The following NR6A1 variants were observed in gnomAD, a reference collection of about 807,000 sequenced individuals.
The protein encoded by NR6A1 is nuclear receptor subfamily 6 group A member 1.
NR6A1 carries 7 observed loss-of-function variants against 59.1 expected under a neutral mutation model. That is an observed-to-expected ratio of 0.12 (90% CI 0.07 to 0.22). The LOEUF (loss-of-function observed/expected upper bound fraction) is 0.22, where lower values mean the gene tolerates loss of function less well. NR6A1 is among the 10% of genes least tolerant of loss of function. The pLI, the probability that NR6A1 is intolerant of heterozygous loss-of-function variation, is 1.00. For missense variants in NR6A1, 468 were observed against 611.6 expected (o/e 0.77, Z 2.48); for synonymous variants, 243 against 236.1 (o/e 1.03, Z -0.27).
intron 2 of NR6A1, among the ~76,000 whole-genome samples, chr9:124,621,311 C>A (rs1390364138): frequency 2.0e-5 from 3 of 152,102 alleles, no homozygotes; most frequent in Admixed American, 6.5e-5. Context: ...AAGAAACTTC[C>A]TTTTCAGTAG....
intron 2 of NR6A1, among the ~76,000 whole-genome samples, chr9:124,595,117 T>A (rs1835234149): frequency 6.6e-6 from 1 of 152,234 alleles, no homozygotes; most frequent in Non-Finnish European, 1.5e-5. Flanking sequence ...AAGTGGGGTT[T>A]CTCACATAAC....
At chr9:124,731,541 T>C (rs1839884224) in intron 2 of NR6A1, among the ~76,000 whole-genome samples, 1 of 152,168 alleles carries the variant, frequency 6.6e-6, no homozygotes, top group African/African-American at 2.4e-5. Flanking sequence ...ATAAAAGTTA[T>C]ACCAGGTGTG....
Position 124,732,609 on chromosome 9 carries a change from T to TG in NR6A1, c.142+698_142+699insC, listed in dbSNP as rs1285663041. ...ATAATTTCTAAACTAAGCAAAATGCTTCTTTTAAAGAAATTATTTCAAAAC... is the reference window on the plus strand; with the variant it reads ...ATAATTTCTAAACTAAGCAAAATGCTGTCTTTTAAAGAAATTATTTCAAAAC... On this transcript the variant is annotated intron_variant, in intron 2 of 9. Transcript: ENST00000487099. Among the ~76,000 whole-genome samples, 5 of 152,228 alleles carry TG rather than the reference T, an allele frequency of 3.3e-5. No individual in the cohort carries two copies. In the East Asian group the frequency reaches 9.6e-4, roughly 29 times the overall value.
At position 124,716,693 on chromosome 9, in the gene NR6A1, G is replaced by A. The variant is rs545910605; in HGVS notation, c.142+16615C>T. 2.4e-4 allele frequency among the ~76,000 whole-genome samples: 36 copies of A among 152,314 alleles called. 1 individual carries two copies. In the South Asian group the frequency reaches 5.6e-3, roughly 24 times the overall value. On this transcript the variant is annotated intron_variant, in intron 2 of 9. Coordinates refer to ENST00000487099, the MANE Select transcript of NR6A1 (RefSeq NM_033334.4). ...GTCATCCAGGCTGCAATGCAGTGGTGCAATCTTGGCTCACTGCAACCTCCA... is the reference window on the plus strand; with the variant it reads ...GTCATCCAGGCTGCAATGCAGTGGTACAATCTTGGCTCACTGCAACCTCCA...
At chr9:124,736,820 G>A (rs1255709670) in intron 1 of NR6A1, among the ~76,000 whole-genome samples, 1 of 152,046 alleles carries the variant, frequency 6.6e-6, no homozygotes, top group Non-Finnish European at 1.5e-5. Context: ...CTCCAGCCTG[G>A]GCAACAGAGT....
chr9:124,545,646 T>C (rs1245125633), intron 3 of NR6A1, among the ~76,000 whole-genome samples: 1 of 152,190 alleles, frequency 6.6e-6, no homozygotes, highest in Non-Finnish European at 1.5e-5. Context: ...TTTCAGCTCA[T>C]AGGTAGAGAA....
intron 2 of NR6A1, among the ~76,000 whole-genome samples, chr9:124,694,877 A>G (rs146906084): frequency 3.9e-4 from 59 of 152,354 alleles, no homozygotes; most frequent in Non-Finnish European, 7.1e-4. Context: ...ATCAAAGCCA[A>G]AAGAAAAATC....
rs568482849 is a variant in NR6A1, at chr9:124,671,638, CTAATG to C, written c.142+61665_142+61669del. Among the ~76,000 whole-genome samples, 173 of 152,170 alleles carry C rather than the reference CTAATG, an allele frequency of 1.1e-3. 1 individual carries two copies. Among genetic ancestry groups the C allele is most frequent in the African/African-American group, 3.8e-3 (158 of 41,514 alleles). On this transcript the variant is annotated intron_variant, in intron 2 of 9. Transcript: ENST00000487099. ...TATTAATTAGATCAACTAAGTTTAC[CTAATG>C]TAAATACACAGGAAAATATAAATAT...
intron 2 of NR6A1, among the ~76,000 whole-genome samples, chr9:124,643,463 G>C (rs758990648): frequency 1.7e-4 from 26 of 151,988 alleles, no homozygotes; most frequent in Admixed American, 3.9e-4. Flanking sequence ...TAGCCAGGCT[G>C]ATGACGTGCA....
Position 124,598,677 on chromosome 9 carries a change from G to A in NR6A1, c.143-44107C>T, listed in dbSNP as rs536076634. On this transcript the variant is annotated intron_variant, in intron 2 of 9. Transcript: ENST00000487099. ...AAAAAAAAAAAAAAAAAACAAGGAAGGGAAAGAGAGGAAAAAAATAAGACG... is the reference window on the plus strand; with the variant it reads ...AAAAAAAAAAAAAAAAAACAAGGAAAGGAAAGAGAGGAAAAAAATAAGACG... 1.2e-3 allele frequency: 498 copies of A among 400,240 alleles called. 4 individuals are homozygous for A. The highest frequency in any genetic ancestry group is 2.4e-4 in the Non-Finnish European group (55 of 233,220). The allele number at this position is 400,240 out of a possible 1,614,324, so 24.8% of individuals were successfully genotyped here. A position where few individuals can be genotyped will look rare whatever the true frequency, so the allele number is the denominator to read the frequency against.
chr9:124,638,571 G>C (rs576196587), intron 2 of NR6A1, among the ~76,000 whole-genome samples: 1 of 152,258 alleles, frequency 6.6e-6, no homozygotes, highest in East Asian at 1.9e-4. Flanking sequence ...CTAGTGCAAT[G>C]CTTTGTAAAA....
At chr9:124,742,547 C>T (rs979935109) in intron 1 of NR6A1, among the ~76,000 whole-genome samples, 1 of 148,754 alleles carries the variant, frequency 6.7e-6, no homozygotes, top group Non-Finnish European at 1.5e-5. Context: ...GCAGGAAGAG[C>T]GAAACTTCGT....
At chr9:124,586,445 A>ATTT (rs111374183) in intron 2 of NR6A1, among the ~76,000 whole-genome samples, 4 of 143,906 alleles carry the variant, frequency 2.8e-5, no homozygotes, top group Non-Finnish European at 4.6e-5. Context: ...TTGCATGATA[A>ATTT]TTTTTTTTTT....
intron 2 of NR6A1, among the ~76,000 whole-genome samples, chr9:124,690,698 T>G (rs10760371): frequency 0.49 from 73,760 of 151,822 alleles, 18,069 homozygotes; most frequent in Admixed American, 0.6. Context: ...GCCTGGTCAC[T>G]CTTAGCTAAT....
chr9:124,771,076 C>T lies in NR6A1; in HGVS notation c.44G>A (p.Gly15Glu). ...AGGCTCCAGGAACCCCGCCGAGCCC[C>T]CGCCGCCTCCCCCTCCGCTAGGCGG... ...EPPPSGGGGG[G>E]GSAGFLEPPA... The change falls in exon 1 of 10, where the codon GGG (glycine) becomes GAG (glutamate). Residue 15 changes from glycine to glutamate, a missense_variant. Coordinates refer to ENST00000487099, the MANE Select transcript of NR6A1 (RefSeq NM_033334.4). 8.1e-7 allele frequency: 1 copy of T among 1,230,448 alleles called. No individual in the cohort carries two copies. Among genetic ancestry groups the T allele is most frequent in the East Asian group, 3.2e-5 (1 of 31,598 alleles). The allele number at this position is 1,230,448 out of a possible 1,614,324, so 76.2% of individuals were successfully genotyped here.
chr9:124,639,377 G>A (rs965179786), intron 2 of NR6A1, among the ~76,000 whole-genome samples: 3 of 152,192 alleles, frequency 2.0e-5, no homozygotes, highest in Non-Finnish European at 4.4e-5. Context: ...CACTTTACAT[G>A]TAAACTCTTA....
chr9:124,732,799 C>T (rs755578740), intron 2 of NR6A1, among the ~76,000 whole-genome samples: 9 of 151,622 alleles, frequency 5.9e-5, no homozygotes, highest in African/African-American at 9.7e-5. Context: ...CGGGTTCAAG[C>T]GATTCTTCAG....
At position 124,590,111 on chromosome 9, in the gene NR6A1, C is replaced by T. The variant is rs534575366; in HGVS notation, c.143-35541G>A. Among the ~76,000 whole-genome samples the T allele has an allele frequency of 1.1e-3, 162 of 143,268 alleles. 1 individual carries two copies. The highest frequency in any genetic ancestry group is 3.8e-3 in the African/African-American group (147 of 38,650). 94.0% of individuals were successfully genotyped at this position (143,268 alleles called of 152,430 possible). Reference sequence around the variant, plus strand: ...AAAAAGCAAAGCTAGTCTACTGTAGCCATCACACTGAAGCCACATGCTGAA... The same window carrying T: ...AAAAAGCAAAGCTAGTCTACTGTAGTCATCACACTGAAGCCACATGCTGAA... On this transcript the variant is annotated intron_variant, in intron 2 of 9. Coordinates refer to ENST00000487099, the MANE Select transcript of NR6A1 (RefSeq NM_033334.4).
chr9:124,622,247 C>T (rs1013630979), intron 2 of NR6A1, among the ~76,000 whole-genome samples: 31 of 152,132 alleles, frequency 2.0e-4, no homozygotes, highest in African/African-American at 4.3e-4. Flanking sequence ...TATTTTCCCA[C>T]GCTCTTCTCC....
Sources: allele counts gnomAD v4.1 joint callset (sites outside exome capture counted in the v4.1 genomes callset), GRCh38; gene constraint gnomAD v4.1.1; transcripts MANE v1.5; gene names NCBI Gene and HGNC (gene_info 2026-07-23, HGNC 2026-07-21).